APOBEC3B: variants seen among roughly 807,000 people sequenced by gnomAD.
The protein encoded by APOBEC3B is apolipoprotein B mRNA editing enzyme catalytic subunit 3B, also known as DNA dC->dU-editing enzyme APOBEC-3B.
Under a neutral mutation model 53.4 loss-of-function variants are expected in APOBEC3B, and 29 were observed. The observed-to-expected ratio is 0.54, with a 90% CI of 0.40 to 0.74. The LOEUF is 0.74. Ranked by LOEUF, APOBEC3B falls within the 30% of genes least tolerant of loss-of-function variation. APOBEC3B has a pLI of 0.00. For missense variants in APOBEC3B, 347 were observed against 496.2 expected, an observed-to-expected ratio of 0.70 and a Z score of 2.86; for synonymous variants, 132 against 184.8, an observed-to-expected ratio of 0.71 and a Z score of 2.32.
chr22:38,991,100 C>T (rs549492438), intron 5 of APOBEC3B, among the ~76,000 whole-genome samples: 19 of 147,780 alleles, frequency 1.3e-4, no homozygotes, highest in Non-Finnish European at 1.9e-4. Context: ...AATAAAACCT[C>T]ATTGCTCCTG....
rs781039331 is a variant in APOBEC3B, at chr22:38,992,201, C to G, written c.1134+52C>G. The G allele has an allele frequency of 1.7e-5, 26 of 1,565,394 alleles. 3 individuals carry two copies. The highest frequency in any genetic ancestry group is 2.1e-5 in the Non-Finnish European group (24 of 1,158,658). On this transcript the variant is annotated intron_variant, in intron 7 of 7. Transcript: ENST00000333467. Reference sequence around the variant, plus strand: ...GCCCCATCGGCCTCCCCCTCCTCCCCGCTCCCCTGTGCCTTGCCTTCCCCT... The same window carrying G: ...GCCCCATCGGCCTCCCCCTCCTCCCGGCTCCCCTGTGCCTTGCCTTCCCCT...
At chr22:38,991,046 C>A (rs1032168233) in intron 5 of APOBEC3B, among the ~76,000 whole-genome samples, 1 of 147,140 alleles carries the variant, frequency 6.8e-6, no homozygotes, top group African/African-American at 2.5e-5. Context: ...TTTAATAAAG[C>A]CTGGCAGGAG....
In APOBEC3B at chr22:38,986,940, CGG is replaced by C. The variant is rs3215475; in HGVS notation, c.569+535_569+536del. Among the ~76,000 whole-genome samples, 10 of 146,446 alleles carry C rather than the reference CGG, an allele frequency of 6.8e-5. 2 individuals are homozygous for C. In the East Asian group the frequency reaches 2.4e-3, roughly 35 times the overall value. Reference sequence around the variant, plus strand: ...CACATAGCTGCTGGGTGGCTGGGGACGGGGGGGGTCCCTGGGATGATTCCTGA... The same window carrying C: ...CACATAGCTGCTGGGTGGCTGGGGACGGGGGGTCCCTGGGATGATTCCTGA... On this transcript the variant is annotated intron_variant, in intron 4 of 7. Transcript: ENST00000333467.
At chr22:38,990,468 C>T (rs1027836304) in intron 5 of APOBEC3B, among the ~76,000 whole-genome samples, 2 of 147,698 alleles carry the variant, frequency 1.4e-5, no homozygotes, top group Admixed American at 7.0e-5. Flanking sequence ...GCCCTGCTGT[C>T]CCCAACTTGA....
chr22:38,988,557 C>T (rs1923827674), intron 4 of APOBEC3B, among the ~76,000 whole-genome samples: 1 of 147,998 alleles, frequency 6.8e-6, no homozygotes. Flanking sequence ...GAACACAAAG[C>T]AAGTGAGTGG....
chr22:38,985,865 T>C lies in APOBEC3B; in HGVS notation c.228T>C (p.Cys76=), dbSNP rs778838185. The C allele has an allele frequency of 1.9e-6, 3 of 1,594,790 alleles. No homozygotes were observed. Among genetic ancestry groups the C allele is most frequent in the South Asian group, 2.2e-5 (2 of 88,942 alleles). ...AAATGTGCTTCCTCTCTTGGTTCTG[T>C]GGCAACCAGCTGCCTGCTTACAAGT... is the stretch of plus-strand genomic sequence containing the variant. ...HAEMCFLSWF[C]GNQLPAYKCF... is the part of the protein sequence containing the mutation. Residue 76 remains cysteine, a synonymous_variant, in exon 3 of 8, where the codon TGT becomes TGC. Transcript: ENST00000333467.
chr22:38,991,697 A>G (rs1410583230), intron 6 of APOBEC3B, 71 bp downstream of exon 6: 21 of 1,434,254 alleles, frequency 1.5e-5, no homozygotes, highest in Non-Finnish European at 1.9e-5. Flanking sequence ...AAAAGGAGAA[A>G]GGCCTTGGTC....
At position 38,989,080 on chromosome 22, in the gene APOBEC3B, A is replaced by G. The variant is rs2146292541; in HGVS notation, c.570-377A>G. ...CCTGCAGGCAGGAGGAAGCCCCAGC[A>G]GGTCCATCTCCAGCAGGGGCTGTGG... On this transcript the variant is annotated intron_variant, in intron 4 of 7. Coordinates refer to ENST00000333467, the MANE Select transcript of APOBEC3B (RefSeq NM_004900.5). Among the ~76,000 whole-genome samples, 5 of 148,426 alleles carry G rather than the reference A, an allele frequency of 3.4e-5. No homozygotes were observed. The South Asian group carries it at 8.9e-4, about 26-fold the overall frequency.
At position 38,982,469 on chromosome 22, in the gene APOBEC3B, A is replaced by G; in HGVS notation, c.16A>G (p.Arg6Gly). The change falls in exon 1 of 8, where the codon AGA (arginine) becomes GGA (glycine). Residue 6 changes from arginine (R) to glycine (G), a missense_variant and splice_region_variant. Coordinates refer to ENST00000333467, the MANE Select transcript of APOBEC3B (RefSeq NM_004900.5). MNPQIRNPMERMYRDT... is the reference protein window; with the variant it reads MNPQIGNPMERMYRDT... Reference sequence around the variant, plus strand: ...GAGGCTGAACATGAATCCACAGATCAGGTACCGCTGCCCACTCTGCCTGCT... The same window carrying G: ...GAGGCTGAACATGAATCCACAGATCGGGTACCGCTGCCCACTCTGCCTGCT... 1.3e-6 allele frequency: 2 copies of G among 1,593,682 alleles called. No homozygotes were observed. Among genetic ancestry groups the G allele is most frequent in the Non-Finnish European group, 1.7e-6 (2 of 1,172,616 alleles).
In APOBEC3B at chr22:38,992,720, G is replaced by A. The variant is rs1305062166; in HGVS notation, c.*275G>A. ...AATGTATTAATGAAGTGATTAATTG[G>A]CTCCATATTTAGACTAATAAAACAT... On this transcript the variant is annotated 3_prime_UTR_variant, in exon 8 of 8. Coordinates refer to ENST00000333467, the MANE Select transcript of APOBEC3B (RefSeq NM_004900.5). 6.8e-6 allele frequency: 6 copies of A among 877,222 alleles called. No homozygotes were observed. In the Admixed American group the frequency reaches 1.5e-4, roughly 22 times the overall value. 54.3% of individuals were successfully genotyped at this position (877,222 alleles called of 1,614,324 possible).
intron 6 of APOBEC3B, 77 bp from the exon 7 acceptor site, chr22:38,991,957 T>C (rs1321694559): frequency 1.4e-6 from 2 of 1,469,404 alleles, no homozygotes; most frequent in South Asian, 1.4e-5. Flanking sequence ...GGGAAGTCTG[T>C]CCTGAGAGTC....
chr22:38,988,705 C>CTCTCTTTCTCTCTTTCTCTT (rs1923854822), intron 4 of APOBEC3B, among the ~76,000 whole-genome samples: 1 of 124,936 alleles, frequency 8.0e-6, no homozygotes, highest in African/African-American at 3.1e-5. Context: ...TTCTTTCTTT[C>CTCTCTTTCTCTCTTTCTCTT]TTTCTTTCTT....
Position 38,992,183 on chromosome 22 carries a change from C to T in APOBEC3B, c.1134+34C>T, listed in dbSNP as rs754228071. 20 of 1,583,970 alleles carry T rather than the reference C, an allele frequency of 1.3e-5. 2 individuals are homozygous for T. The highest frequency in any genetic ancestry group is 2.3e-5 in the South Asian group (2 of 87,322). ...TTCCTCCCTCTGCCTGGTGCCCCAT[C>T]GGCCTCCCCCTCCTCCCCGCTCCCC... is the stretch of plus-strand genomic sequence containing the variant. On this transcript the variant is annotated intron_variant, in intron 7 of 7. Transcript: ENST00000333467.
chr22:38,989,260 G>T (rs1923892187), intron 4 of APOBEC3B, among the ~76,000 whole-genome samples, 197 bp from the exon 5 acceptor site: 1 of 148,402 alleles, frequency 6.7e-6, no homozygotes, highest in African/African-American at 2.5e-5. Context: ...CCGGGGCTGT[G>T]TTGACTTCCT....
intron 7 of APOBEC3B, 128 bp downstream of exon 7, chr22:38,992,277 C>G: frequency 6.5e-7 from 1 of 1,535,050 alleles, no homozygotes. Flanking sequence ...CGCCCAGCTC[C>G]GTCCCTCCCT....
chr22:38,983,071 C>T (rs1440007830), intron 1 of APOBEC3B, among the ~76,000 whole-genome samples: 3 of 148,256 alleles, frequency 2.0e-5, no homozygotes, highest in Non-Finnish European at 1.5e-5. Context: ...GTAATCCCAA[C>T]ACTTTGGGAG....
rs556803408 is a variant in APOBEC3B at position 38,988,929 on chromosome 22, A to G, written c.570-528A>G. Among the ~76,000 whole-genome samples, 160 of 146,224 alleles carry G rather than the reference A, an allele frequency of 1.1e-3. 6 individuals carry two copies. The highest frequency in any genetic ancestry group is 0.01 in the Middle Eastern group (3 of 290). ...CTGAGAAGCACGTTTGGGAGACCTC[A>G]TGGCATCCAAAGGGACGTGGAAAAT... On this transcript the variant is annotated intron_variant, in intron 4 of 7. Coordinates refer to ENST00000333467, the MANE Select transcript of APOBEC3B (RefSeq NM_004900.5).
At chr22:38,984,343 C>G (rs1923650825) in intron 2 of APOBEC3B, 112 bp downstream of exon 2, 1 of 1,306,682 alleles carries the variant, frequency 7.7e-7, no homozygotes, top group Non-Finnish European at 1.0e-6. Flanking sequence ...GTTCAGCAGA[C>G]TCACATCCAA....
chr22:38,982,392 G>T lies in APOBEC3B; in HGVS notation c.-62G>T. The T allele has an allele frequency of 6.3e-7, 1 of 1,586,866 alleles. No individual in the cohort carries two copies. The highest frequency in any genetic ancestry group is 8.6e-7 in the Non-Finnish European group (1 of 1,167,106). On this transcript the variant is annotated 5_prime_UTR_variant, in exon 1 of 8. Coordinates refer to ENST00000333467, the MANE Select transcript of APOBEC3B (RefSeq NM_004900.5). ...ACTGCAAGGACGCTGTAAGCAGGAA[G>T]TGAAACCACAGAGCTTCAAAAAAAG...
Sources: allele counts gnomAD v4.1 joint callset (sites outside exome capture counted in the v4.1 genomes callset), GRCh38; gene constraint gnomAD v4.1.1; transcripts MANE v1.5; gene names NCBI Gene and HGNC (gene_info 2026-07-23, HGNC 2026-07-21).